Variants in STPG2 observed in about 807,000 individuals in gnomAD.
STPG2 encodes sperm-tail PG-rich repeat-containing protein 2.
Under a neutral mutation model 54.2 loss-of-function variants are expected in STPG2, and 56 were observed. That is an observed-to-expected ratio of 1.03 (90% confidence interval 0.83 to 1.29). The LOEUF (loss-of-function observed/expected upper bound fraction) is 1.29, where lower values mean the gene tolerates loss of function less well. Ranked by LOEUF, STPG2 falls within the 50% of genes most tolerant of loss-of-function variation. The pLI, the probability that STPG2 is intolerant of heterozygous loss-of-function variation, is 0.00. For missense variants in STPG2, 596 were observed against 544.9 expected (o/e 1.09, Z -0.93); for synonymous variants, 200 against 181.8 (o/e 1.10, Z -0.81).
chr4:97,630,094 A>T (rs1490321814), intron 10 of STPG2, among the ~76,000 whole-genome samples: 1 of 150,902 alleles, frequency 6.6e-6, no homozygotes, highest in Non-Finnish European at 1.5e-5. Context: ...AAACTAATTA[A>T]GTTTATCAGT....
chr4:97,575,043 A>G (rs1244827415), intron 10 of STPG2, among the ~76,000 whole-genome samples: 1 of 152,036 alleles, frequency 6.6e-6, no homozygotes, highest in Non-Finnish European at 1.5e-5. Flanking sequence ...TCAGAAAAAA[A>G]AATTAATTTT....
At chr4:97,531,889 A>T (rs1157032043) in intron 4 of STPG2, among the ~76,000 whole-genome samples, 1 of 152,222 alleles carries the variant, frequency 6.6e-6, no homozygotes, top group East Asian at 1.9e-4. Flanking sequence ...TTTGTAACAG[A>T]AGGATAGATG....
At chr4:97,753,373 T>C (rs1725636703) in intron 9 of STPG2, among the ~76,000 whole-genome samples, 2 of 152,006 alleles carry the variant, frequency 1.3e-5, no homozygotes, top group Non-Finnish European at 2.9e-5. Flanking sequence ...AAGCATCATA[T>C]TTTCAAGCTC....
At chr4:97,699,874 C>T (rs1347602532) in intron 10 of STPG2, among the ~76,000 whole-genome samples, 1 of 152,168 alleles carries the variant, frequency 6.6e-6, no homozygotes, top group Non-Finnish European at 1.5e-5. Context: ...CCTCATGTAA[C>T]TTACTTGTGC....
At chr4:97,666,222 C>T (rs1036311648) in intron 10 of STPG2, among the ~76,000 whole-genome samples, 25 of 152,164 alleles carry the variant, frequency 1.6e-4, no homozygotes, top group African/African-American at 6.0e-4. Context: ...CTGTTCCTGG[C>T]TCCCATTGGC....
intron 6 of STPG2, among the ~76,000 whole-genome samples, chr4:97,976,509 T>C (rs1184888342): frequency 6.6e-6 from 1 of 152,116 alleles, no homozygotes; most frequent in Non-Finnish European, 1.5e-5. Flanking sequence ...CTTATATTTA[T>C]CTTAGAGTCA....
At chr4:97,731,809 T>G (rs556630031) in intron 9 of STPG2, among the ~76,000 whole-genome samples, 15 of 152,308 alleles carry the variant, frequency 9.8e-5, no homozygotes, top group Admixed American at 9.1e-4. Flanking sequence ...CATCTACAGA[T>G]CTCAGCTAGA....
chr4:97,792,243 AT>A (rs1365614559), intron 9 of STPG2, among the ~76,000 whole-genome samples: 2 of 152,148 alleles, frequency 1.3e-5, no homozygotes. Context: ...TCAAATTTAA[AT>A]TGTCCAAAAA....
chr4:97,799,939 C>G (rs974496559), intron 9 of STPG2, among the ~76,000 whole-genome samples: 1 of 152,148 alleles, frequency 6.6e-6, no homozygotes, highest in Non-Finnish European at 1.5e-5. Flanking sequence ...CATTTATCTT[C>G]CATCACTGAT....
chr4:97,498,537 G>A (rs547466741), intron 4 of STPG2, among the ~76,000 whole-genome samples: 133 of 151,580 alleles, frequency 8.8e-4, no homozygotes, highest in African/African-American at 3.1e-3. Flanking sequence ...AAAGAAAAGT[G>A]CATGATTATA....
At chr4:97,755,359 G>A (rs1173792141) in intron 9 of STPG2, among the ~76,000 whole-genome samples, 1 of 152,024 alleles carries the variant, frequency 6.6e-6, no homozygotes, top group Non-Finnish European at 1.5e-5. Context: ...AGCAACCCTG[G>A]TTCAAAGAGG....
chr4:97,714,219 T>C lies in STPG2; in HGVS notation c.1205-1405A>G, dbSNP rs145291265. Among the ~76,000 whole-genome samples, 86 of 152,348 alleles carry C rather than the reference T, an allele frequency of 5.6e-4. No individual in the cohort carries two copies. In the East Asian group the frequency reaches 0.016, roughly 28 times the overall value. On this transcript the variant is annotated intron_variant, in intron 9 of 10. Coordinates refer to ENST00000295268, the MANE Select transcript of STPG2 (RefSeq NM_174952.3). ...ACTTTGGCAAATACATTCTTGTTGA[T>C]GCTTTAAAATCTAAAATATTTTTAA...
At chr4:97,771,673 G>T (rs1238843425) in intron 9 of STPG2, among the ~76,000 whole-genome samples, 1 of 152,220 alleles carries the variant, frequency 6.6e-6, no homozygotes, top group Admixed American at 6.5e-5. Flanking sequence ...AAGGTATGCA[G>T]ACATGCAGAG....
intron 4 of STPG2, among the ~76,000 whole-genome samples, chr4:97,551,783 A>C (rs1731971755): frequency 1.3e-5 from 2 of 152,236 alleles, no homozygotes; most frequent in African/African-American, 4.8e-5. Flanking sequence ...ATATTTTTCT[A>C]GATCTCTTTG....
At chr4:97,938,971 C>A (rs1011286860) in intron 8 of STPG2, among the ~76,000 whole-genome samples, 4 of 152,130 alleles carry the variant, frequency 2.6e-5, no homozygotes, top group Non-Finnish European at 5.9e-5. Context: ...CCTCTTAACA[C>A]TGCCTTAGCT....
At chr4:97,563,943 A>G (rs964707742) in intron 10 of STPG2, among the ~76,000 whole-genome samples, 1 of 152,146 alleles carries the variant, frequency 6.6e-6, no homozygotes, top group East Asian at 1.9e-4. Flanking sequence ...GTAGATGTCT[A>G]CTAGGTCTGC....
intron 9 of STPG2, among the ~76,000 whole-genome samples, chr4:97,779,870 C>G (rs1726544015): frequency 6.6e-6 from 1 of 152,084 alleles, no homozygotes; most frequent in Non-Finnish European, 1.5e-5. Context: ...CCTTTACAGA[C>G]AAGCAAATGC....
chr4:97,878,389 C>T (rs1730253025), intron 8 of STPG2, among the ~76,000 whole-genome samples: 1 of 152,210 alleles, frequency 6.6e-6, no homozygotes, highest in Non-Finnish European at 1.5e-5. Context: ...GGCCCCACCC[C>T]TGCAGCAAAC....
At chr4:97,718,713 A>G (rs1486265694) in intron 9 of STPG2, among the ~76,000 whole-genome samples, 1 of 152,022 alleles carries the variant, frequency 6.6e-6, no homozygotes, top group Non-Finnish European at 1.5e-5. Flanking sequence ...ACCAAAATCT[A>G]TATATAGATT....
Sources: gnomAD v4.1 joint callset for allele counts (sites outside exome capture counted in the v4.1 genomes callset) on GRCh38, gnomAD v4.1.1 for gene constraint, MANE v1.5 for transcripts, NCBI Gene and HGNC (gene_info 2026-07-23, HGNC 2026-07-21) for gene names.